DNAJC10: variants seen among roughly 807,000 people sequenced by gnomAD.
The protein encoded by DNAJC10 is endoplasmic reticulum disulfide reductase DNAJC10.
DNAJC10 carries 101 observed loss-of-function variants against 115.0 expected under a neutral mutation model. The observed-to-expected ratio is 0.88, with a 90% CI of 0.75 to 1.04. The LOEUF (loss-of-function observed/expected upper bound fraction) is 1.04. DNAJC10 is among the 50% of genes least tolerant of loss of function. DNAJC10 has a pLI of 0.00. For missense variants in DNAJC10, 981 were observed against 928.8 expected (o/e 1.06, Z -0.73); for synonymous variants, 307 against 301.5 (o/e 1.02, Z -0.19).
chr2:182,737,545 C>T (rs1373236120), intron 11 of DNAJC10, among the ~76,000 whole-genome samples: 1 of 152,258 alleles, frequency 6.6e-6, no homozygotes, highest in Non-Finnish European at 1.5e-5. Context: ...ATACCTGTGA[C>T]TCAAACCTCT....
rs1282964433 is a variant in DNAJC10, at chr2:182,788,820, G to A, written c.*11688G>A. 2.2e-6 allele frequency: 1 copy of A among 456,446 alleles called. No homozygotes were observed. Among genetic ancestry groups the A allele is most frequent in the Admixed American group, 2.4e-5 (1 of 42,454 alleles). The allele number at this position is 456,446 out of a possible 1,614,324, so 28.3% of individuals were successfully genotyped here. ...CTATGACTTTATGATCACTTAGTAT[G>A]TCTACGGATTTTTTGGGGAAGAGAG... On this transcript the variant is annotated 3_prime_UTR_variant, in exon 24 of 24. Coordinates refer to ENST00000264065, the MANE Select transcript of DNAJC10 (RefSeq NM_018981.4).
chr2:182,744,905 A>T (rs562245189), intron 14 of DNAJC10, among the ~76,000 whole-genome samples: 2 of 152,278 alleles, frequency 1.3e-5, no homozygotes, highest in East Asian at 3.9e-4. Context: ...TATCTCTGAA[A>T]TAGTTCTCAG....
At chr2:182,746,739 A>G (rs1301196763) in intron 14 of DNAJC10, among the ~76,000 whole-genome samples, 1 of 151,852 alleles carries the variant, frequency 6.6e-6, no homozygotes, top group Non-Finnish European at 1.5e-5. Flanking sequence ...GTTTAATTAG[A>G]TCCCATTTGT....
intron 22 of DNAJC10, among the ~76,000 whole-genome samples, chr2:182,772,983 G>A (rs1023115039): frequency 6.6e-6 from 1 of 152,180 alleles, no homozygotes; most frequent in African/African-American, 2.4e-5. Context: ...GGTTCCAGTT[G>A]TTTCTTCCCA....
chr2:182,767,933 C>A (rs1694457298), intron 22 of DNAJC10, among the ~76,000 whole-genome samples: 1 of 152,118 alleles, frequency 6.6e-6, no homozygotes, highest in East Asian at 1.9e-4. Context: ...ATAACATACA[C>A]ACAGTGCCTC....
intron 13 of DNAJC10, among the ~76,000 whole-genome samples, chr2:182,741,997 ATATT>A (rs1179746754): frequency 6.6e-6 from 1 of 152,048 alleles, no homozygotes; most frequent in African/African-American, 2.4e-5. Flanking sequence ...AAATGCATAT[ATATT>A]TATATGGATA....
rs1295241635 is a variant in DNAJC10 at position 182,749,720 on chromosome 2, G to T, written c.1307-1938G>T. ...GGACAAGTTTTTAAAAGTGTTTGCA[G>T]TGGAGAGTATTTATTGTCTATTGCT... On this transcript the variant is annotated intron_variant, in intron 14 of 23. Coordinates refer to ENST00000264065, the MANE Select transcript of DNAJC10 (RefSeq NM_018981.4). Among the ~76,000 whole-genome samples the T allele has an allele frequency of 3.3e-5, 5 of 152,352 alleles. No homozygotes were observed. In the East Asian group the frequency reaches 9.6e-4, roughly 29 times the overall value.
rs1200023238 is a variant in DNAJC10, at chr2:182,780,175, TTGAG to T, written c.*3045_*3048del. ...CTAGTGAAGAAGTTTGTAATATGGT[TTGAG>T]TATTTGTCCCCTCCAAATCTCATGT... On this transcript the variant is annotated 3_prime_UTR_variant, in exon 24 of 24. Coordinates refer to ENST00000264065, the MANE Select transcript of DNAJC10 (RefSeq NM_018981.4). 1.3e-5 allele frequency: 2 copies of T among 152,178 alleles called. No homozygotes were observed. Among genetic ancestry groups the T allele is most frequent in the East Asian group, 3.9e-4 (2 of 5,194 alleles). 9.4% of individuals were successfully genotyped at this position (152,178 alleles called of 1,614,324 possible).
intron 10 of DNAJC10, among the ~76,000 whole-genome samples, chr2:182,734,781 G>A (rs555237376): frequency 2.6e-5 from 4 of 151,664 alleles, no homozygotes; most frequent in Admixed American, 1.3e-4. Context: ...TGTTTTCTTG[G>A]TGATTTGAAT....
chr2:182,769,904 T>C (rs1027863962), intron 22 of DNAJC10, among the ~76,000 whole-genome samples: 5 of 152,224 alleles, frequency 3.3e-5, no homozygotes, highest in Admixed American at 3.3e-4. Context: ...CATGCCTATG[T>C]CCTGAATGGT....
intron 21 of DNAJC10, among the ~76,000 whole-genome samples, chr2:182,760,811 G>C (rs770328073): frequency 3.3e-5 from 5 of 152,088 alleles, no homozygotes; most frequent in African/African-American, 4.8e-5. Flanking sequence ...GATTTTAAAG[G>C]TCTTACTAGC....
At chr2:182,751,314 T>C (rs1189614557) in intron 14 of DNAJC10, among the ~76,000 whole-genome samples, 1 of 151,878 alleles carries the variant, frequency 6.6e-6, no homozygotes, top group Non-Finnish European at 1.5e-5. Context: ...TTTGTATTTT[T>C]AGTAGAGACG....
At chr2:182,762,567 T>A in intron 21 of DNAJC10, 115 bp from the exon 22 acceptor site, 1 of 1,113,950 alleles carries the variant, frequency 9.0e-7, no homozygotes, top group Non-Finnish European at 1.3e-6. Flanking sequence ...GTAGGAAGAA[T>A]TAAAGTTTTT....
chr2:182,765,072 A>C (rs1049840945), intron 22 of DNAJC10, among the ~76,000 whole-genome samples: 2 of 152,174 alleles, frequency 1.3e-5, no homozygotes, highest in African/African-American at 4.8e-5. Flanking sequence ...AGCATATAGG[A>C]AGATCAGGCA....
At chr2:182,767,200 G>C (rs144564721) in intron 22 of DNAJC10, among the ~76,000 whole-genome samples, 2 of 152,098 alleles carry the variant, frequency 1.3e-5, no homozygotes, top group Admixed American at 6.6e-5. Flanking sequence ...CACGCAGAGC[G>C]TACCGGTGCC....
At chr2:182,758,692 T>C (rs1049282128) in intron 19 of DNAJC10, 145 bp from the exon 20 acceptor site, 2 of 631,100 alleles carry the variant, frequency 3.2e-6, no homozygotes, top group Admixed American at 5.7e-5. Flanking sequence ...AACCAGAATT[T>C]GTAGCTAGGT....
intron 14 of DNAJC10, among the ~76,000 whole-genome samples, chr2:182,744,894 T>G (rs1693822828): frequency 6.6e-6 from 1 of 152,212 alleles, no homozygotes. Context: ...ATACTCTTTT[T>G]TATCTCTGAA....
chr2:182,724,842 T>A (rs757146074), intron 5 of DNAJC10, among the ~76,000 whole-genome samples: 2 of 152,206 alleles, frequency 1.3e-5, no homozygotes, highest in Non-Finnish European at 2.9e-5. Context: ...ACTTTATTCT[T>A]ATTACTCAGC....
In DNAJC10 at chr2:182,793,231, G is replaced by C. The variant is rs1695084105; in HGVS notation, c.*16099G>C. 6.6e-6 allele frequency: 1 copy of C among 152,494 alleles called. No individual in the cohort carries two copies. Among genetic ancestry groups the C allele is most frequent in the East Asian group, 1.9e-4 (1 of 5,190 alleles). 9.4% of individuals were successfully genotyped at this position (152,494 alleles called of 1,614,324 possible). The stretch of plus-strand genomic sequence containing the variant: ...CATGTGGCTGGAATGGAGTGAGCTA[G>C]CAGGAGAGAAGATGAAGTTAGAGGG... On this transcript the variant is annotated 3_prime_UTR_variant, in exon 24 of 24. Coordinates refer to ENST00000264065, the MANE Select transcript of DNAJC10 (RefSeq NM_018981.4).
Sources: allele counts gnomAD v4.1 joint callset (sites outside exome capture counted in the v4.1 genomes callset), GRCh38; gene constraint gnomAD v4.1.1; transcripts MANE v1.5; gene names NCBI Gene and HGNC (gene_info 2026-07-23, HGNC 2026-07-21).